Variants in THUMPD3 observed in about 807,000 individuals in gnomAD.
The protein encoded by THUMPD3 is tRNA (guanine(6)-N(2))-methyltransferase THUMP3.
A neutral mutation model predicts 54.5 loss-of-function variants in THUMPD3; 44 were observed. The observed-to-expected ratio is 0.81, with a 90% CI of 0.63 to 1.04. The LOEUF is 1.04. Among genes scored for constraint, THUMPD3 ranks in the 50% least tolerant of loss-of-function variants. THUMPD3 has a pLI of 0.00. For missense variants in THUMPD3, 604 were observed against 601.3 expected (o/e 1.00, Z -0.05); for synonymous variants, 196 against 201.4 (o/e 0.97, Z 0.23).
At chr3:9,378,181 T>C (rs902085533) in intron 6 of THUMPD3, among the ~76,000 whole-genome samples, 1 of 152,218 alleles carries the variant, frequency 6.6e-6, no homozygotes, top group Non-Finnish European at 1.5e-5. Flanking sequence ...GACAAGCTGG[T>C]AGACTTGAAT....
intron 4 of THUMPD3, among the ~76,000 whole-genome samples, chr3:9,372,224 A>G (rs1277604371): frequency 6.6e-6 from 1 of 152,234 alleles, no homozygotes; most frequent in Non-Finnish European, 1.5e-5. Flanking sequence ...AAATTCAACC[A>G]GAATTAAAAT....
In THUMPD3 at chr3:9,366,942, T is replaced by C. The variant is rs61740124; in HGVS notation, c.287T>C (p.Val96Ala). Residue 96 changes from valine (V) to alanine (A), a missense_variant, in exon 3 of 10, where the codon GTG becomes GCG. Transcript: ENST00000452837. ...CTGAGATCAGTTGATAACTTATTTG[T>C]GGTGGTTCAGGAGTTTCAAGATTAC... ...HCLRSVDNLF[V>A]VVQEFQDYQF... is the part of the protein sequence containing the mutation. The C allele has an allele frequency of 7.9e-5, 128 of 1,613,574 alleles. No homozygotes were observed. The African/African-American group carries it at 1.4e-3, about 18-fold the overall frequency.
chr3:9,384,388 T>C (rs2033175282), intron 9 of THUMPD3, 53 bp downstream of exon 9: 13 of 1,597,626 alleles, frequency 8.1e-6, no homozygotes, highest in Admixed American at 3.5e-5. Context: ...TGGGATCTTT[T>C]TGAGATTTGG....
Position 9,371,075 on chromosome 3 carries a change from G to C in THUMPD3, c.346G>C (p.Asp116His). 1 of 1,569,448 alleles carries C rather than the reference G, an allele frequency of 6.4e-7. No individual in the cohort carries two copies. Among genetic ancestry groups the C allele is most frequent in the South Asian group, 1.2e-5 (1 of 82,830 alleles). ...FKQTKEEVLK[D>H]FEDLAGKLPW... Reference sequence around the variant, plus strand: ...TCCTTTACAGGAAGAAGTTCTAAAGGATTTTGAAGACTTGGCTGGAAAACT... The same window carrying C: ...TCCTTTACAGGAAGAAGTTCTAAAGCATTTTGAAGACTTGGCTGGAAAACT... The change falls in exon 4 of 10, where the codon GAT becomes CAT. Residue 116 changes from aspartate to histidine, a missense_variant. Transcript: ENST00000452837.
rs1055069813 is a variant in THUMPD3 at position 9,374,440 on chromosome 3, A to T, written c.808-76A>T. 1.9e-6 allele frequency: 3 copies of T among 1,554,820 alleles called. No homozygotes were observed. The Admixed American group carries it at 5.6e-5, about 29-fold the overall frequency. ...TGCCTAAGGAGGGGTGAACCGGCCC[A>T]GGTCAGAAAAGTCTTATTACTAAGC... On this transcript the variant is annotated intron_variant, in intron 4 of 9. Coordinates refer to ENST00000452837, the MANE Select transcript of THUMPD3 (RefSeq NM_001114092.2).
At position 9,366,350 on chromosome 3, in the gene THUMPD3, C is replaced by T. The variant is rs73026937; in HGVS notation, c.253-558C>T. On this transcript the variant is annotated intron_variant, in intron 2 of 9. Coordinates refer to ENST00000452837, the MANE Select transcript of THUMPD3 (RefSeq NM_001114092.2). ...TTTTTCCACCAATATATCCCACGCT[C>T]TTAGTGTCTGGCATATAGTAGGTAC... Among the ~76,000 whole-genome samples, 10 of 152,210 alleles carry T rather than the reference C, an allele frequency of 6.6e-5. No homozygotes were observed. The East Asian group carries it at 9.6e-4, about 15-fold the overall frequency.
At chr3:9,379,720 T>G (rs1220222160) in intron 6 of THUMPD3, among the ~76,000 whole-genome samples, 1 of 152,138 alleles carries the variant, frequency 6.6e-6, no homozygotes, top group Non-Finnish European at 1.5e-5. Flanking sequence ...TGACCTGGGG[T>G]CTTGCTCTGT....
intron 3 of THUMPD3, among the ~76,000 whole-genome samples, chr3:9,367,241 T>G (rs2125309562): frequency 1.3e-5 from 2 of 152,372 alleles, no homozygotes; most frequent in South Asian, 4.1e-4. Flanking sequence ...GATATAAACC[T>G]TAGATTTGCT....
rs999463633 is a variant in THUMPD3, at chr3:9,386,362, G to C, written c.*1674G>C. 4.0e-5 allele frequency: 6 copies of C among 150,984 alleles called. No individual in the cohort carries two copies. Among genetic ancestry groups the C allele is most frequent in the Non-Finnish European group, 7.4e-5 (5 of 67,562 alleles). 9.4% of individuals were successfully genotyped at this position (150,984 alleles called of 1,614,324 possible). ...CAAGGACCATGTCTGTTTTCACCAC[G>C]ATGTCTTTCCCCACCCCCCCACCCC... is the stretch of plus-strand genomic sequence containing the variant. On this transcript the variant is annotated 3_prime_UTR_variant, in exon 10 of 10. Coordinates refer to ENST00000452837, the MANE Select transcript of THUMPD3 (RefSeq NM_001114092.2).
chr3:9,363,426 G>A (rs920433972), intron 1 of THUMPD3: 2 of 152,250 alleles, frequency 1.3e-5, no homozygotes, highest in African/African-American at 2.4e-5. Context: ...TTTAGAAGAT[G>A]GAGATTGTAT....
chr3:9,382,617 GTTTT>G (rs1364295604), intron 7 of THUMPD3, among the ~76,000 whole-genome samples: 1 of 152,100 alleles, frequency 6.6e-6, no homozygotes, highest in African/African-American at 2.4e-5. Context: ...TCCAGTGTAT[GTTTT>G]ATCAGCAACT....
rs374639415 is a variant in THUMPD3, at chr3:9,365,122, G to C, written c.54G>C (p.Glu18Asp). ...TNQLLDVNLH[E>D]NQKSVQVTES... The stretch of plus-strand genomic sequence containing the variant: ...AACTCCTAGATGTGAACCTTCATGA[G>C]AACCAGAAGTCTGTACAAGTGACAG... Residue 18 changes from glutamate to aspartate, a missense_variant, in exon 2 of 10, where the codon GAG becomes GAC. By Grantham distance (45) the Glu-to-Asp change is conservative. Coordinates refer to ENST00000452837, the MANE Select transcript of THUMPD3 (RefSeq NM_001114092.2). 5 of 1,614,090 alleles carry C rather than the reference G, an allele frequency of 3.1e-6. No individual in the cohort carries two copies. The African/African-American group carries it at 5.3e-5, about 17-fold the overall frequency.
chr3:9,384,690 G>T lies in THUMPD3; in HGVS notation c.*2G>T. 1 of 1,614,138 alleles carries T rather than the reference G, an allele frequency of 6.2e-7. No individual in the cohort carries two copies. Among genetic ancestry groups the T allele is most frequent in the South Asian group, 1.1e-5 (1 of 91,090 alleles). ...ACTCTTTGGCAATGCAAAGAATGAA[G>T]ATGACTAATAGTACTTGTACTTCCC... On this transcript the variant is annotated 3_prime_UTR_variant, in exon 10 of 10. Coordinates refer to ENST00000452837, the MANE Select transcript of THUMPD3 (RefSeq NM_001114092.2).
chr3:9,365,277 G>C lies in THUMPD3; in HGVS notation c.209G>C (p.Arg70Pro), dbSNP rs528118558. The part of the protein sequence containing the change: ...LGSSCKISRD[R>P]GKIYFVISVE... Reference sequence around the variant, plus strand: ...TCATCATGCAAAATCAGCAGAGACCGTGGCAAGATATATTTTGTCATTTCA... The same window carrying C: ...TCATCATGCAAAATCAGCAGAGACCCTGGCAAGATATATTTTGTCATTTCA... The change falls in exon 2 of 10, where the codon CGT becomes CCT. Residue 70 changes from arginine to proline, a missense_variant. Arg to Pro is a moderately radical substitution (Grantham distance 103, BLOSUM62 -2). Transcript: ENST00000452837. 18 of 1,614,104 alleles carry C rather than the reference G, an allele frequency of 1.1e-5. No homozygotes were observed. The highest frequency in any genetic ancestry group is 1.5e-5 in the Non-Finnish European group (18 of 1,180,040).
At position 9,371,142 on chromosome 3, in the gene THUMPD3, G is replaced by C; in HGVS notation, c.413G>C (p.Ser138Thr). The change falls in exon 4 of 10, where the codon AGT (serine) becomes ACT (threonine). Residue 138 changes from serine (S) to threonine (T), a missense_variant. Ser to Thr is a moderately conservative substitution (Grantham distance 58, BLOSUM62 1). Coordinates refer to ENST00000452837, the MANE Select transcript of THUMPD3 (RefSeq NM_001114092.2). Reference protein sequence around the residue: ...NPLKVWKINASFKKKKAKRKK... With the variant: ...NPLKVWKINATFKKKKAKRKK... ...TTAAAAGTGTGGAAAATTAATGCCA[G>C]TTTTAAAAAGAAAAAAGCAAAGCGC... The C allele has an allele frequency of 6.2e-7, 1 of 1,609,922 alleles. No homozygotes were observed.
Position 9,365,280 on chromosome 3 carries a change from G to A in THUMPD3, c.212G>A (p.Gly71Asp), listed in dbSNP as rs758341742. 6 of 1,614,044 alleles carry A rather than the reference G, an allele frequency of 3.7e-6. No individual in the cohort carries two copies. The highest frequency in any genetic ancestry group is 5.1e-6 in the Non-Finnish European group (6 of 1,180,044). Residue 71 changes from glycine to aspartate, a missense_variant, in exon 2 of 10, where the codon GGC (glycine) becomes GAC (aspartate). Physicochemically the swap from Gly to Asp is moderately conservative, Grantham distance 94. Coordinates refer to ENST00000452837, the MANE Select transcript of THUMPD3 (RefSeq NM_001114092.2). Reference sequence around the variant, plus strand: ...TCATGCAAAATCAGCAGAGACCGTGGCAAGATATATTTTGTCATTTCAGTG... The same window carrying A: ...TCATGCAAAATCAGCAGAGACCGTGACAAGATATATTTTGTCATTTCAGTG... ...GSSCKISRDRGKIYFVISVES... is the reference protein window; with the variant it reads ...GSSCKISRDRDKIYFVISVES...
At chr3:9,377,492 G>A (rs1017697289) in intron 5 of THUMPD3, among the ~76,000 whole-genome samples, 9 of 152,060 alleles carry the variant, frequency 5.9e-5, no homozygotes, top group African/African-American at 2.2e-4. Flanking sequence ...TCGAGTCTCA[G>A]CCTTTGTACT....
At chr3:9,384,128 A>T in intron 8 of THUMPD3, 84 bp from the exon 9 acceptor site, 1 of 1,440,506 alleles carries the variant, frequency 6.9e-7, no homozygotes, top group Non-Finnish European at 9.5e-7. Flanking sequence ...ATGCCTCAGG[A>T]TGCATGAAAC....
chr3:9,364,999 T>C lies in THUMPD3; in HGVS notation c.-53-17T>C. ...TGAGATGATAATATTTGGGCTTTAT[T>C]TCTTTTTCTTTTAAAGGACAGTACT... On this transcript the variant is annotated splice_polypyrimidine_tract_variant and intron_variant, in intron 1 of 9. Coordinates refer to ENST00000452837, the MANE Select transcript of THUMPD3 (RefSeq NM_001114092.2). 1.3e-6 allele frequency: 2 copies of C among 1,537,058 alleles called. No homozygotes were observed. Among genetic ancestry groups the C allele is most frequent in the Non-Finnish European group, 1.8e-6 (2 of 1,142,388 alleles).
Sources: allele counts gnomAD v4.1 joint callset (sites outside exome capture counted in the v4.1 genomes callset), GRCh38; gene constraint gnomAD v4.1.1; transcripts MANE v1.5; gene names NCBI Gene and HGNC (gene_info 2026-07-23, HGNC 2026-07-21).